The following NEGR1 variants were observed in gnomAD, a reference collection of about 807,000 sequenced individuals.
The protein encoded by NEGR1 is neuronal growth regulator 1, also known as IgLON family member 4.
A neutral mutation model predicts 40.9 loss-of-function variants in NEGR1; 10 were observed. The ratio of observed to expected loss-of-function variants is 0.24; its 90% CI spans 0.15 to 0.42. The LOEUF (loss-of-function observed/expected upper bound fraction) is 0.42. Ranked by LOEUF, NEGR1 falls within the 10% of genes least tolerant of loss-of-function variation. The pLI is 1.00. For synonymous variants in NEGR1, 185 were observed against 166.8 expected, an observed-to-expected ratio of 1.11 and a Z score of -0.84; for missense variants, 352 against 438.9, an observed-to-expected ratio of 0.80 and a Z score of 1.77.
intron 4 of NEGR1, among the ~76,000 whole-genome samples, chr1:71,625,990 C>T (rs1045425324): frequency 6.6e-6 from 1 of 151,762 alleles, no homozygotes; most frequent in Non-Finnish European, 1.5e-5. Flanking sequence ...GGAGTGTGAA[C>T]CCTATTGTGA....
At chr1:71,993,290 T>C (rs1486103) in intron 1 of NEGR1, among the ~76,000 whole-genome samples, 23,298 of 152,100 alleles carry the variant, frequency 0.15, 2,042 homozygotes, top group African/African-American at 0.24. Flanking sequence ...GGTAGCAAAG[T>C]AATTTTTAAG....
At chr1:71,994,804 T>A (rs867204402) in intron 1 of NEGR1, among the ~76,000 whole-genome samples, 1 of 152,074 alleles carries the variant, frequency 6.6e-6, no homozygotes, top group South Asian at 2.1e-4. Context: ...TTTGTGAACT[T>A]CCTGTATGGC....
intron 1 of NEGR1, among the ~76,000 whole-genome samples, chr1:72,113,382 A>G (rs1404821790): frequency 6.6e-6 from 1 of 151,712 alleles, no homozygotes; most frequent in Non-Finnish European, 1.5e-5. Context: ...CTGAGATTGT[A>G]TTATAGCTGT....
At chr1:71,773,025 A>G (rs1294915059) in intron 3 of NEGR1, among the ~76,000 whole-genome samples, 1 of 152,214 alleles carries the variant, frequency 6.6e-6, no homozygotes, top group Non-Finnish European at 1.5e-5. Context: ...CATCTCAGGA[A>G]AGGTGTTTTT....
At chr1:71,838,938 G>A (rs1375560586) in intron 2 of NEGR1, among the ~76,000 whole-genome samples, 1 of 152,098 alleles carries the variant, frequency 6.6e-6, no homozygotes, top group African/African-American at 2.4e-5. Flanking sequence ...TTGATATTCT[G>A]TAATGGAGTT....
intron 4 of NEGR1, among the ~76,000 whole-genome samples, chr1:71,686,606 C>T (rs145481739): frequency 1.3e-5 from 2 of 152,306 alleles, no homozygotes; most frequent in African/African-American, 4.8e-5. Context: ...AACTCAGTCA[C>T]AGGGCCAAAG....
chr1:72,033,840 T>C (rs1039203967), intron 1 of NEGR1, among the ~76,000 whole-genome samples: 4 of 152,200 alleles, frequency 2.6e-5, no homozygotes, highest in African/African-American at 9.6e-5. Flanking sequence ...GGCAATGCAT[T>C]TCAGGGGGAT....
At chr1:71,874,979 G>T (rs1660383900) in intron 2 of NEGR1, among the ~76,000 whole-genome samples, 2 of 151,694 alleles carry the variant, frequency 1.3e-5, no homozygotes, top group Middle Eastern at 3.2e-3. Context: ...TGAGTAGCTG[G>T]GACGATAGAT....
At chr1:71,442,005 A>G (rs898047058) in intron 6 of NEGR1, among the ~76,000 whole-genome samples, 2 of 152,212 alleles carry the variant, frequency 1.3e-5, no homozygotes, top group Non-Finnish European at 2.9e-5. Context: ...GGTAGCTGAA[A>G]TAGGTGAATG....
At chr1:71,710,648 T>C (rs1004869414) in intron 3 of NEGR1, among the ~76,000 whole-genome samples, 2 of 152,300 alleles carry the variant, frequency 1.3e-5, no homozygotes, top group South Asian at 2.1e-4. Flanking sequence ...TCGCATGTTC[T>C]CACTTATTTG....
intron 1 of NEGR1, among the ~76,000 whole-genome samples, chr1:72,198,775 A>G (rs1653093322): frequency 6.6e-6 from 1 of 152,040 alleles, no homozygotes; most frequent in South Asian, 2.1e-4. Context: ...GACATCTTAC[A>G]CTTAAACAAG....
intron 1 of NEGR1, among the ~76,000 whole-genome samples, chr1:72,024,628 A>G (rs907701859): frequency 1.3e-5 from 2 of 152,144 alleles, no homozygotes; most frequent in Admixed American, 1.3e-4. Flanking sequence ...AAAATTTCCA[A>G]ATGATTTTCC....
At chr1:71,831,953 C>T (rs1658857302) in intron 2 of NEGR1, among the ~76,000 whole-genome samples, 1 of 151,776 alleles carries the variant, frequency 6.6e-6, no homozygotes, top group Non-Finnish European at 1.5e-5. Context: ...TAAGAGGAAA[C>T]AACTCTGGGT....
At chr1:72,168,329 G>T (rs1651841087) in intron 1 of NEGR1, among the ~76,000 whole-genome samples, 1 of 151,898 alleles carries the variant, frequency 6.6e-6, no homozygotes, top group South Asian at 2.1e-4. Context: ...AATTTTAAGA[G>T]AAACTTGTTA....
chr1:71,822,367 C>T (rs1658461700), intron 2 of NEGR1, among the ~76,000 whole-genome samples: 1 of 151,944 alleles, frequency 6.6e-6, no homozygotes, highest in African/African-American at 2.4e-5. Context: ...ATTTAACAAC[C>T]AAGTGGACAA....
At chr1:71,966,194 T>G (rs1482670862) in intron 1 of NEGR1, among the ~76,000 whole-genome samples, 2 of 152,196 alleles carry the variant, frequency 1.3e-5, no homozygotes, top group African/African-American at 4.8e-5. Flanking sequence ...CAGCTCAGAT[T>G]CATAACACTT....
At chr1:71,794,351 C>T (rs148934286) in intron 2 of NEGR1, 3 of 152,194 alleles carry the variant, frequency 2.0e-5, no homozygotes, top group African/African-American at 4.8e-5. Flanking sequence ...AAGAGAATAA[C>T]TTATCCTTTC....
chr1:72,068,906 A>C (rs532459119), intron 1 of NEGR1, among the ~76,000 whole-genome samples: 1 of 152,274 alleles, frequency 6.6e-6, no homozygotes, highest in Admixed American at 6.5e-5. Context: ...TGAATATTAT[A>C]TCATTTAATA....
intron 6 of NEGR1, among the ~76,000 whole-genome samples, chr1:71,494,041 GTAAT>G (rs1440537316): frequency 6.6e-6 from 1 of 152,180 alleles, no homozygotes; most frequent in African/African-American, 2.4e-5. Context: ...TTTAGACAGT[GTAAT>G]AAGGAATTTC....
Sources: allele counts gnomAD v4.1 joint callset (sites outside exome capture counted in the v4.1 genomes callset), GRCh38; gene constraint gnomAD v4.1.1; transcripts MANE v1.5; gene names NCBI Gene and HGNC (gene_info 2026-07-23, HGNC 2026-07-21).